STK24: variants seen among roughly 807,000 people sequenced by gnomAD.
STK24 encodes the protein serine/threonine kinase 24, also known as serine/threonine-protein kinase 24.
In STK24, 21 loss-of-function variants were observed where a neutral mutation model predicts 55.6. That is an observed-to-expected ratio of 0.38 (90% CI 0.27 to 0.54). The LOEUF (loss-of-function observed/expected upper bound fraction) is 0.54, where lower values mean the gene tolerates loss of function less well. STK24 is among the 20% of genes least tolerant of loss of function. STK24 has a pLI of 0.79. For synonymous variants in STK24, 200 were observed against 215.2 expected, an observed-to-expected ratio of 0.93 and a Z score of 0.62; for missense variants, 383 against 538.4, an observed-to-expected ratio of 0.71 and a Z score of 2.86.
At chr13:98,460,845 G>A (rs905458158) in intron 8 of STK24, among the ~76,000 whole-genome samples, 1 of 151,468 alleles carries the variant, frequency 6.6e-6, no homozygotes, top group Non-Finnish European at 1.5e-5. Flanking sequence ...TTCGAGACCA[G>A]CTTGGGCAAC....
intron 2 of STK24, among the ~76,000 whole-genome samples, chr13:98,508,220 A>C (rs1300931031): frequency 6.6e-6 from 1 of 152,222 alleles, no homozygotes; most frequent in Non-Finnish European, 1.5e-5. Context: ...TTTCGTATAC[A>C]GGATCCCAAA....
intron 1 of STK24, among the ~76,000 whole-genome samples, chr13:98,548,086 G>A (rs1361352077): frequency 6.6e-6 from 1 of 152,116 alleles, no homozygotes; most frequent in Non-Finnish European, 1.5e-5. Flanking sequence ...CTACGGCCAG[G>A]TGCATGTGGC....
intron 2 of STK24, among the ~76,000 whole-genome samples, chr13:98,490,686 G>A (rs1427411812): frequency 6.6e-6 from 1 of 152,152 alleles, no homozygotes; most frequent in African/African-American, 2.4e-5. Context: ...AGCAGTGACA[G>A]CTTCCAGTGT....
intron 1 of STK24, among the ~76,000 whole-genome samples, chr13:98,541,854 G>C (rs59064549): frequency 0.013 from 1,928 of 152,310 alleles, 49 homozygotes; most frequent in African/African-American, 0.044. Flanking sequence ...GGTTAGCAGG[G>C]TGTATCACAT....
chr13:98,509,585 A>T (rs1483569802), intron 2 of STK24, among the ~76,000 whole-genome samples: 1 of 152,230 alleles, frequency 6.6e-6, no homozygotes, highest in Non-Finnish European at 1.5e-5. Flanking sequence ...ATCCATTTTG[A>T]ATACAAGTTT....
chr13:98,565,735 C>G (rs1897550296), intron 1 of STK24, among the ~76,000 whole-genome samples: 1 of 152,114 alleles, frequency 6.6e-6, no homozygotes, highest in Non-Finnish European at 1.5e-5. Flanking sequence ...AGGCAATGAA[C>G]AGGAGCCAGT....
chr13:98,524,613 A>T (rs1245325303), intron 1 of STK24, among the ~76,000 whole-genome samples: 1 of 152,214 alleles, frequency 6.6e-6, no homozygotes, highest in Non-Finnish European at 1.5e-5. Flanking sequence ...GAATGGTGAG[A>T]AATGCTAAAT....
chr13:98,541,235 G>A (rs1394737307), intron 1 of STK24, among the ~76,000 whole-genome samples: 7 of 151,962 alleles, frequency 4.6e-5, no homozygotes, highest in African/African-American at 1.7e-4. Context: ...TAATTTCCAG[G>A]CCTTCTCCCT....
intron 2 of STK24, among the ~76,000 whole-genome samples, chr13:98,507,059 C>T (rs1895708163): frequency 6.6e-6 from 1 of 152,236 alleles, no homozygotes; most frequent in South Asian, 2.1e-4. Context: ...AAATGTGCAG[C>T]TGGGCGGGAG....
chr13:98,446,605 GC>G lies in STK24; in HGVS notation c.*6567del. 6.4e-6 allele frequency: 10 copies of G among 1,568,032 alleles called. No homozygotes were observed. Among genetic ancestry groups the G allele is most frequent in the Admixed American group, 1.7e-5 (1 of 59,308 alleles). ...AGTCCCTGTCTGATGCGGGGCAGCA[GC>G]CAGGCCCAGCAGCAGAAGCTGACCC... On this transcript the variant is annotated 3_prime_UTR_variant, in exon 11 of 11. Transcript: ENST00000539966.
intron 1 of STK24, among the ~76,000 whole-genome samples, chr13:98,558,234 C>G (rs1897326000): frequency 6.6e-6 from 1 of 152,074 alleles, no homozygotes; most frequent in Non-Finnish European, 1.5e-5. Flanking sequence ...GATATACCAC[C>G]TATTAGATAT....
intron 1 of STK24, among the ~76,000 whole-genome samples, chr13:98,562,281 T>C (rs1029998990): frequency 1.3e-5 from 2 of 152,214 alleles, no homozygotes; most frequent in African/African-American, 4.8e-5. Context: ...GAAGATATTT[T>C]TCTGGGTGAA....
At chr13:98,557,618 T>C (rs1897313811) in intron 1 of STK24, among the ~76,000 whole-genome samples, 1 of 152,186 alleles carries the variant, frequency 6.6e-6, no homozygotes, top group Admixed American at 6.5e-5. Context: ...ACCACCAAAC[T>C]GTCAACGCCC....
chr13:98,554,586 G>C (rs952203240), intron 1 of STK24, among the ~76,000 whole-genome samples: 2 of 152,180 alleles, frequency 1.3e-5, no homozygotes, highest in African/African-American at 4.8e-5. Flanking sequence ...AGCACTCTGG[G>C]AGCCAAGGTG....
chr13:98,503,056 T>A (rs1040693774), intron 2 of STK24, among the ~76,000 whole-genome samples: 1 of 138,446 alleles, frequency 7.2e-6, no homozygotes. Flanking sequence ...ATGGTACAAC[T>A]GACCACCAAC....
chr13:98,504,738 C>T (rs1240866961), intron 2 of STK24, among the ~76,000 whole-genome samples: 1 of 152,132 alleles, frequency 6.6e-6, no homozygotes, highest in East Asian at 1.9e-4. Context: ...ATTTCTAAGC[C>T]CAGGAGAGGA....
chr13:98,497,657 C>T (rs1566369515), intron 2 of STK24, among the ~76,000 whole-genome samples: 1 of 152,234 alleles, frequency 6.6e-6, no homozygotes, highest in Non-Finnish European at 1.5e-5. Flanking sequence ...CAGCTCCAGC[C>T]ACTAACACAA....
At chr13:98,461,735 C>A (rs755305098) in intron 8 of STK24, 39 bp downstream of exon 8, 4 of 1,606,244 alleles carry the variant, frequency 2.5e-6, no homozygotes, top group Non-Finnish European at 2.6e-6. Flanking sequence ...ACACTGCAGA[C>A]TGAGGTCAGC....
intron 2 of STK24, among the ~76,000 whole-genome samples, chr13:98,515,312 CA>C: frequency 1.3e-5 from 2 of 152,236 alleles, no homozygotes; most frequent in African/African-American, 4.8e-5. Flanking sequence ...CACACACAGG[CA>C]GTTTCATTTT....
Sources: allele counts gnomAD v4.1 joint callset (sites outside exome capture counted in the v4.1 genomes callset), GRCh38; gene constraint gnomAD v4.1.1; transcripts MANE v1.5; gene names NCBI Gene and HGNC (gene_info 2026-07-23, HGNC 2026-07-21).